TBC1D16: variants seen among roughly 807,000 people sequenced by gnomAD.
The protein encoded by TBC1D16 is TBC1 domain family member 16.
In TBC1D16, 58 loss-of-function variants were observed where a neutral mutation model predicts 74.7. That is an observed-to-expected ratio of 0.78 (90% CI 0.63 to 0.97). TBC1D16 has a LOEUF of 0.97. Ranked by LOEUF, TBC1D16 falls within the 50% of genes least tolerant of loss-of-function variation. The probability of loss-of-function intolerance (pLI) is 0.00; values close to 1 mark genes in which losing one functional copy is unlikely to be tolerated. For missense variants in TBC1D16, 1,014 were observed against 1,079.5 expected, an observed-to-expected ratio of 0.94 and a Z score of 0.85; for synonymous variants, 493 against 474.7, an observed-to-expected ratio of 1.04 and a Z score of -0.50.
In TBC1D16 at chr17:79,950,569, G is replaced by C; in HGVS notation, c.1099C>G (p.Pro367Ala). Reference protein sequence around the residue: ...EMQLKDQQVAPDKTCMQFSIR... With the variant: ...EMQLKDQQVAADKTCMQFSIR... The stretch of plus-strand genomic sequence containing the variant: ...GAGAACTGCATGCATGTCTTATCGG[G>C]GGCGACCTGCTGGACGGGAGGAAAA... The change falls in exon 6 of 12, where the codon CCC (proline) becomes GCC (alanine). Residue 367 changes from proline (P) to alanine (A), a missense_variant. Transcript: ENST00000310924. The surrounding 1 kb of genome is among the most constrained non-coding windows in gnomAD (Gnocchi z 4.6). The C allele has an allele frequency of 6.2e-7, 1 of 1,612,444 alleles. No individual in the cohort carries two copies. The highest frequency in any genetic ancestry group is 1.7e-5 in the Admixed American group (1 of 59,876).
chr17:79,941,036 C>T lies in TBC1D16; in HGVS notation c.2127G>A (p.Leu709=), dbSNP rs1438982581. 1 of 1,606,712 alleles carries T rather than the reference C, an allele frequency of 6.2e-7. No homozygotes were observed. The highest frequency in any genetic ancestry group is 8.5e-7 in the Non-Finnish European group (1 of 1,177,230). The change falls in exon 12 of 12, where the codon CTG becomes CTA. Residue 709 remains leucine, a synonymous_variant. Transcript: ENST00000310924. This position sits in a 1 kb window ranked among gnomAD's most constrained non-coding sequence, Gnocchi z 4.3. The part of the protein sequence containing the change: ...IPCSLHDLCK[L]CGSGMWDSGS... ...CGCTGTCCCACATGCCTGACCCGCA[C>T]AGCTTACACAGATCGTGCAGGCTGC...
In TBC1D16 at chr17:79,983,762, C is replaced by T. The variant is rs2034693338; in HGVS notation, c.779+26398G>A. Among the ~76,000 whole-genome samples the T allele has an allele frequency of 6.6e-6, 1 of 152,120 alleles. No individual in the cohort carries two copies. Among genetic ancestry groups the T allele is most frequent in the African/African-American group, 2.4e-5 (1 of 41,426 alleles). On this transcript the variant is annotated intron_variant, in intron 3 of 11. Coordinates refer to ENST00000310924, the MANE Select transcript of TBC1D16 (RefSeq NM_019020.4). The surrounding 1 kb of genome is among the most constrained non-coding windows in gnomAD (Gnocchi z 5.6). ...ACTGGCCTCCTAGGAAGCTCTAGTT[C>T]AGACACAGGGGGCGCTGGGTCACGG...
rs994244892 is a variant in TBC1D16 at position 80,009,471 on chromosome 17, C to A, written c.779+689G>T. Among the ~76,000 whole-genome samples the A allele has an allele frequency of 1.3e-5, 2 of 152,252 alleles. No individual in the cohort carries two copies. The highest frequency in any genetic ancestry group is 4.8e-5 in the African/African-American group (2 of 41,468). On this transcript the variant is annotated intron_variant, in intron 3 of 11. Transcript: ENST00000310924. The surrounding 1 kb of genome is among the most constrained non-coding windows in gnomAD (Gnocchi z 5.4). ...TGGGTTCCAAGGCCCAGGGAACCCA[C>A]CGCAGGGCACGGGCCCAACTCTAGC... is the stretch of plus-strand genomic sequence containing the variant.
chr17:79,943,251 C>T (rs2032188926), intron 10 of TBC1D16, among the ~76,000 whole-genome samples: 1 of 152,160 alleles, frequency 6.6e-6, no homozygotes, highest in Non-Finnish European at 1.5e-5. Context: ...CTGACGGATC[C>T]TTTTGCAGTG....
Position 79,950,424 on chromosome 17 carries a change from T to C in TBC1D16, c.1244A>G (p.Tyr415Cys). 6.2e-7 allele frequency: 1 copy of C among 1,610,846 alleles called. No individual in the cohort carries two copies. The highest frequency in any genetic ancestry group is 1.3e-5 in the African/African-American group (1 of 74,920). Residue 415 changes from tyrosine to cysteine, a missense_variant, in exon 6 of 12, where the codon TAC (tyrosine) becomes TGC (cysteine). Tyr to Cys is a radical substitution (Grantham distance 194). Transcript: ENST00000310924. This position sits in a 1 kb window ranked among gnomAD's most constrained non-coding sequence, Gnocchi z 4.6. ...LNELGQVEEE[Y>C]KLRKAIFFGG... ...CCCGGACCTCACCTTCCGCAGCTTGTACTCCTCCTCCACCTGGCCCAGCTC... is the reference window on the plus strand; with the variant it reads ...CCCGGACCTCACCTTCCGCAGCTTGCACTCCTCCTCCACCTGGCCCAGCTC...
At chr17:79,982,868 C>CA (rs1379268290) in intron 3 of TBC1D16, among the ~76,000 whole-genome samples, 1 of 152,020 alleles carries the variant, frequency 6.6e-6, no homozygotes, top group African/African-American at 2.4e-5. Context: ...CAAAACAAAA[C>CA]AAAAAAATTC....
At chr17:80,021,536 T>C (rs1411795243) in intron 1 of TBC1D16, among the ~76,000 whole-genome samples, 2 of 149,810 alleles carry the variant, frequency 1.3e-5, no homozygotes, top group Non-Finnish European at 2.9e-5. Context: ...GGAATTCTTA[T>C]TATTTTTAAT....
chr17:80,009,312 G>A lies in TBC1D16; in HGVS notation c.779+848C>T, dbSNP rs1305326722. 6.6e-6 allele frequency among the ~76,000 whole-genome samples: 1 copy of A among 152,228 alleles called. No homozygotes were observed. The highest frequency in any genetic ancestry group is 1.5e-5 in the Non-Finnish European group (1 of 68,034). On this transcript the variant is annotated intron_variant, in intron 3 of 11. Transcript: ENST00000310924. This position sits in a 1 kb window ranked among gnomAD's most constrained non-coding sequence, Gnocchi z 5.4. Reference sequence around the variant, plus strand: ...GACCACAGCCGGGGCATAGGAAGGGGCTGTGGAAGTCGGATGCAGGCCCCC... The same window carrying A: ...GACCACAGCCGGGGCATAGGAAGGGACTGTGGAAGTCGGATGCAGGCCCCC...
At chr17:79,976,640 C>G (rs974282519) in intron 3 of TBC1D16, among the ~76,000 whole-genome samples, 4 of 152,222 alleles carry the variant, frequency 2.6e-5, no homozygotes, top group African/African-American at 9.7e-5. Context: ...CCCGCCGCTC[C>G]TGACTCAGCA....
At chr17:80,022,305 A>G (rs2036312802) in intron 1 of TBC1D16, among the ~76,000 whole-genome samples, 1 of 149,714 alleles carries the variant, frequency 6.7e-6, no homozygotes, top group Non-Finnish European at 1.5e-5. Context: ...AATCTATGAT[A>G]AATTAATAAA....
chr17:79,954,954 C>T lies in TBC1D16; in HGVS notation c.780-2136G>A, dbSNP rs556440977. Among the ~76,000 whole-genome samples the T allele has an allele frequency of 6.6e-6, 1 of 152,178 alleles. No homozygotes were observed. The highest frequency in any genetic ancestry group is 2.1e-4 in the South Asian group (1 of 4,826). ...ACACAGAGACTCGCTTTGGCAGTCA[C>T]GGATGGAGGGCCCCCTCCCTGCTGC... On this transcript the variant is annotated intron_variant, in intron 3 of 11. Transcript: ENST00000310924. The surrounding 1 kb of genome is among the most constrained non-coding windows in gnomAD (Gnocchi z 5.5).
intron 2 of TBC1D16, among the ~76,000 whole-genome samples, chr17:80,011,903 T>G (rs2035909711): frequency 6.6e-6 from 1 of 152,186 alleles, no homozygotes; most frequent in Admixed American, 6.5e-5. Flanking sequence ...ATGGCATTTT[T>G]TTAATGCAGA....
At position 79,936,903 on chromosome 17, in the gene TBC1D16, CATGTGCGTGTGT is replaced by C. The variant is rs796971652; in HGVS notation, c.*3944_*3955del. 1 of 92,058 alleles carries C rather than the reference CATGTGCGTGTGT, an allele frequency of 1.1e-5. No individual in the cohort carries two copies. The highest frequency in any genetic ancestry group is 4.6e-5 in the African/African-American group (1 of 21,932). 5.7% of individuals were successfully genotyped at this position (92,058 alleles called of 1,614,324 possible). ...GTGTGTGTGCATGCGTGCGTGTGTG[CATGTGCGTGTGT>C]GTGTGTGTGTGTGTGTGTGTGTGTG... On this transcript the variant is annotated 3_prime_UTR_variant, in exon 12 of 12. Coordinates refer to ENST00000310924, the MANE Select transcript of TBC1D16 (RefSeq NM_019020.4).
chr17:79,994,283 C>G lies in TBC1D16; in HGVS notation c.779+15877G>C, dbSNP rs1265138992. Among the ~76,000 whole-genome samples the G allele has an allele frequency of 6.6e-6, 1 of 151,766 alleles. No individual in the cohort carries two copies. Among genetic ancestry groups the G allele is most frequent in the Non-Finnish European group, 1.5e-5 (1 of 67,980 alleles). On this transcript the variant is annotated intron_variant, in intron 3 of 11. Coordinates refer to ENST00000310924, the MANE Select transcript of TBC1D16 (RefSeq NM_019020.4). The surrounding 1 kb of genome is among the most constrained non-coding windows in gnomAD (Gnocchi z 4.6). ...TGACTTCTAGAATCCCAGCTCAGGG[C>G]CGGGGGGGTGCCAGGGCTGTGAACC... is the stretch of plus-strand genomic sequence containing the variant.
chr17:79,996,891 A>G (rs2035291704), intron 3 of TBC1D16, among the ~76,000 whole-genome samples: 1 of 152,212 alleles, frequency 6.6e-6, no homozygotes, highest in Non-Finnish European at 1.5e-5. Context: ...CTGAATGGGA[A>G]GCCATGGTTC....
intron 1 of TBC1D16, among the ~76,000 whole-genome samples, chr17:80,017,725 C>T (rs59719579): frequency 0.091 from 13,469 of 148,788 alleles, 637 homozygotes; most frequent in African/African-American, 0.11. Context: ...CCTTAGCTCA[C>T]AGGCTGTACA....
intron 3 of TBC1D16, among the ~76,000 whole-genome samples, chr17:79,959,275 CA>C (rs1268825068): frequency 6.6e-6 from 1 of 152,074 alleles, no homozygotes; most frequent in Non-Finnish European, 1.5e-5. Flanking sequence ...AGAAATGCAC[CA>C]TGTCCATAGA....
intron 3 of TBC1D16, among the ~76,000 whole-genome samples, chr17:79,955,508 T>C: frequency 6.6e-6 from 1 of 152,244 alleles, no homozygotes; most frequent in Admixed American, 6.5e-5. Context: ...ATATGTACAG[T>C]GTTTTATTTT....
chr17:79,999,247 C>G (rs2035393167), intron 3 of TBC1D16, among the ~76,000 whole-genome samples: 1 of 150,292 alleles, frequency 6.7e-6, no homozygotes, highest in Non-Finnish European at 1.5e-5. Context: ...GAGAGTGAGA[C>G]ACTGTCTCAA....
Sources: allele counts gnomAD v4.1 joint callset (sites outside exome capture counted in the v4.1 genomes callset), GRCh38; gene constraint gnomAD v4.1.1; non-coding constraint Gnocchi (gnomAD v3.1); transcripts MANE v1.5; gene names NCBI Gene and HGNC (gene_info 2026-07-23, HGNC 2026-07-21).